Variants in ZNF483 observed in about 807,000 individuals in gnomAD.
ZNF483 encodes zinc finger protein HIT-10.
A neutral mutation model predicts 28.6 loss-of-function variants in ZNF483; 9 were observed. That is an observed-to-expected ratio of 0.32 (90% CI 0.19 to 0.55). ZNF483 has a LOEUF of 0.55. ZNF483 is among the 20% of genes least tolerant of loss of function. The pLI is 0.93. For synonymous variants in ZNF483, 322 were observed against 306.2 expected (o/e 1.05, Z -0.54); for missense variants, 675 against 871.7 (o/e 0.77, Z 2.84).
exon 6 of ZNF483, chr9:111,577,327 T>G (rs1204044884): frequency 1.3e-5 from 2 of 152,200 alleles, no homozygotes; most frequent in South Asian, 4.1e-4. Context: ...TTGGTGAGTA[T>G]GTAGAGAAGT....
intron 5 of ZNF483, among the ~76,000 whole-genome samples, chr9:111,571,080 C>T (rs1828799724): frequency 7.5e-6 from 1 of 133,038 alleles, no homozygotes; most frequent in South Asian, 2.6e-4. Flanking sequence ...GAATGCAGCC[C>T]TGCCAACCCA....
At chr9:111,570,692 T>C (rs369708719) in intron 5 of ZNF483, among the ~76,000 whole-genome samples, 29 of 151,712 alleles carry the variant, frequency 1.9e-4, no homozygotes, top group African/African-American at 6.8e-4. Flanking sequence ...GGCAGGAGAA[T>C]TGCTTGAACC....
chr9:111,561,108 T>TAGAGAG lies in ZNF483; in HGVS notation c.722-15256_722-15255insGAGAGA, dbSNP rs1468727296. Among the ~76,000 whole-genome samples, 77 of 20,856 alleles carry TAGAGAG rather than the reference T, an allele frequency of 3.7e-3. 7 individuals are homozygous for TAGAGAG. Among genetic ancestry groups the TAGAGAG allele is most frequent in the Middle Eastern group, 0.029 (1 of 34 alleles). 13.7% of individuals were successfully genotyped at this position (20,856 alleles called of 152,430 possible). ...AAATATATATATATATATATATATATATAGAGAGAGAGAGAGAGAGAGAGA... is the reference window on the plus strand; with the variant it reads ...AAATATATATATATATATATATATATAGAGAGATAGAGAGAGAGAGAGAGAGAGAGA... On this transcript the variant is annotated intron_variant, in intron 5 of 5. Coordinates refer to the ZNF483 transcript ENST00000358151.
At position 111,527,351 on chromosome 9, in the gene ZNF483, C is replaced by T. The variant is rs1827206634; in HGVS notation, c.-45C>T. ...TGCCTGTTGGTGGACTGTACTGATA[C>T]TCAACTAGAGTGTGAAGGGACTGGA... On this transcript the variant is annotated 5_prime_UTR_variant, in exon 2 of 6. Transcript: ENST00000309235. 2 of 1,588,216 alleles carry T rather than the reference C, an allele frequency of 1.3e-6. No individual in the cohort carries two copies. The highest frequency in any genetic ancestry group is 1.7e-6 in the Non-Finnish European group (2 of 1,167,312).
In ZNF483 at chr9:111,554,620, G is replaced by A. The variant is rs549678247; in HGVS notation, c.*11450G>A. Among the ~76,000 whole-genome samples the A allele has an allele frequency of 1.3e-5, 2 of 152,334 alleles. No individual in the cohort carries two copies. Among genetic ancestry groups the A allele is most frequent in the South Asian group, 2.1e-4 (1 of 4,822 alleles). On this transcript the variant is annotated 3_prime_UTR_variant, in exon 6 of 6. Transcript: ENST00000309235. Reference sequence around the variant, plus strand: ...ACTAAGTGACTAACAGACAGGTAGTGTAGATGACATGGATATGCTGGACAA... The same window carrying A: ...ACTAAGTGACTAACAGACAGGTAGTATAGATGACATGGATATGCTGGACAA...
chr9:111,527,907 A>G, intron 2 of ZNF483, 100 bp downstream of exon 2: 1 of 1,591,398 alleles, frequency 6.3e-7, no homozygotes, highest in Non-Finnish European at 8.6e-7. Context: ...GAGGAGTCTG[A>G]GGTTAGAAGT....
chr9:111,527,971 G>T, intron 2 of ZNF483, 164 bp downstream of exon 2: 2 of 1,510,400 alleles, frequency 1.3e-6, no homozygotes, highest in Non-Finnish European at 8.8e-7. Flanking sequence ...TGGGCAAGCT[G>T]TGTAAACTCT....
At chr9:111,541,590 T>G in intron 5 of ZNF483, 67 bp from the exon 6 acceptor site, 1 of 1,339,082 alleles carries the variant, frequency 7.5e-7, no homozygotes, top group Non-Finnish European at 1.0e-6. Context: ...TGTTCCTATT[T>G]CAGACCCAAA....
intron 2 of ZNF483, 58 bp downstream of exon 2, chr9:111,527,865 A>AT (rs1564589729): frequency 5.0e-6 from 8 of 1,613,532 alleles, no homozygotes; most frequent in Non-Finnish European, 6.8e-6. Context: ...TCCGAAAGTA[A>AT]ATTCCTCAAA....
intron 5 of ZNF483, among the ~76,000 whole-genome samples, chr9:111,569,237 G>A (rs186121814): frequency 2.7e-4 from 41 of 152,264 alleles, no homozygotes; most frequent in Non-Finnish European, 3.5e-4. Flanking sequence ...TAGCTCAAGC[G>A]TAGATAGAGA....
chr9:111,562,040 C>G (rs1828341524), intron 5 of ZNF483, among the ~76,000 whole-genome samples: 1 of 152,112 alleles, frequency 6.6e-6, no homozygotes, highest in Non-Finnish European at 1.5e-5. Context: ...CACCCGCTAC[C>G]ATGCCCAGCT....
At chr9:111,538,894 C>T (rs560607827) in intron 5 of ZNF483, among the ~76,000 whole-genome samples, 18 of 151,908 alleles carry the variant, frequency 1.2e-4, no homozygotes, top group Non-Finnish European at 2.5e-4. Context: ...GGTGGATCAC[C>T]TGAGGTCAGG....
chr9:111,557,419 C>A (rs747588985), downstream of ZNF483, among the ~76,000 whole-genome samples: 3 of 147,774 alleles, frequency 2.0e-5, no homozygotes, highest in Admixed American at 6.8e-5. Context: ...AGGTACCATG[C>A]CGTTGAACAG....
intron 5 of ZNF483, chr9:111,576,253 A>G: frequency 9.7e-7 from 1 of 1,027,098 alleles, no homozygotes; most frequent in Non-Finnish European, 1.5e-6. Context: ...AGCCATATAG[A>G]GTTGGTCCTC....
At chr9:111,573,852 TGTGG>T (rs1274849014) in intron 5 of ZNF483, among the ~76,000 whole-genome samples, 1 of 152,068 alleles carries the variant, frequency 6.6e-6, no homozygotes, top group East Asian at 1.9e-4. Context: ...GCGGGAGGGA[TGTGG>T]TTTCAGCATA....
chr9:111,530,798 T>TATATATATAC (rs1554811937), intron 2 of ZNF483, 77 bp from the exon 3 acceptor site: 3 of 55,044 alleles, frequency 5.5e-5, no homozygotes, highest in African/African-American at 1.8e-4. Context: ...TATATATATA[T>TATATATATAC]ATACATATAT....
chr9:111,540,396 A>G (rs1536646), intron 5 of ZNF483, among the ~76,000 whole-genome samples: 10,987 of 152,292 alleles, frequency 0.072, 614 homozygotes, highest in East Asian at 0.26. Flanking sequence ...GTGTGACCTC[A>G]TGGTAAAAAG....
Position 111,527,348 on chromosome 9 carries a change from A to T in ZNF483, c.-48A>T. The T allele has an allele frequency of 6.3e-7, 1 of 1,585,592 alleles. No individual in the cohort carries two copies. Among genetic ancestry groups the T allele is most frequent in the Non-Finnish European group, 8.6e-7 (1 of 1,165,642 alleles). On this transcript the variant is annotated 5_prime_UTR_variant, in exon 2 of 6. Transcript: ENST00000309235. ...TAGTGCCTGTTGGTGGACTGTACTG[A>T]TACTCAACTAGAGTGTGAAGGGACT...
intron 2 of ZNF483, among the ~76,000 whole-genome samples, chr9:111,529,502 C>T (rs1245435415): frequency 6.6e-6 from 1 of 152,138 alleles, no homozygotes; most frequent in Non-Finnish European, 1.5e-5. Context: ...CTGGTGGAGT[C>T]AACTCTTGAG....
Sources: gnomAD v4.1 joint callset for allele counts (sites outside exome capture counted in the v4.1 genomes callset) on GRCh38, gnomAD v4.1.1 for gene constraint, MANE v1.5 for transcripts, NCBI Gene and HGNC (gene_info 2026-07-23, HGNC 2026-07-21) for gene names.